CAMKMT: variants seen among roughly 807,000 people sequenced by gnomAD.
CAMKMT encodes the protein CaM KMT.
A neutral mutation model predicts 48.0 loss-of-function variants in CAMKMT; 53 were observed. The observed-to-expected ratio is 1.10, with a 90% CI of 0.89 to 1.39. CAMKMT has a LOEUF of 1.39. Ranked by LOEUF, CAMKMT falls within the 40% of genes most tolerant of loss-of-function variation. The pLI is 0.00. For missense variants in CAMKMT, 428 were observed against 402.7 expected, an observed-to-expected ratio of 1.06 and a Z score of -0.54; for synonymous variants, 165 against 152.3, an observed-to-expected ratio of 1.08 and a Z score of -0.61.
At chr2:44,501,133 A>T (rs1287115355) in intron 3 of CAMKMT, among the ~76,000 whole-genome samples, 1 of 151,532 alleles carries the variant, frequency 6.6e-6, no homozygotes, top group African/African-American at 2.4e-5. Context: ...TTATATATTC[A>T]ATGTGAATAT....
intron 3 of CAMKMT, among the ~76,000 whole-genome samples, chr2:44,419,940 A>G (rs1308652813): frequency 6.6e-6 from 1 of 152,128 alleles, no homozygotes; most frequent in Non-Finnish European, 1.5e-5. Flanking sequence ...TCTCACAGTC[A>G]TTAGACACAA....
At chr2:44,706,380 G>A in intron 5 of CAMKMT, 39 bp downstream of exon 5, 1 of 1,604,964 alleles carries the variant, frequency 6.2e-7, no homozygotes, top group South Asian at 1.1e-5. Context: ...TCAGAGGGAG[G>A]AACAAAAGGA....
At chr2:44,718,680 G>A (rs532729451) in intron 7 of CAMKMT, among the ~76,000 whole-genome samples, 3 of 152,240 alleles carry the variant, frequency 2.0e-5, no homozygotes, top group Admixed American at 6.5e-5. Context: ...AGTGAATAGC[G>A]TCATTCTCTG....
intron 2 of CAMKMT, among the ~76,000 whole-genome samples, chr2:44,374,617 A>G (rs1679496711): frequency 6.6e-6 from 1 of 152,208 alleles, no homozygotes; most frequent in African/African-American, 2.4e-5. Context: ...AAAGCAAGTC[A>G]TGGTTATCCA....
intron 1 of CAMKMT, among the ~76,000 whole-genome samples, chr2:44,369,009 T>A (rs1678900575): frequency 1.3e-5 from 2 of 152,054 alleles, no homozygotes; most frequent in Admixed American, 1.3e-4. Context: ...CCTCAGCCTC[T>A]CAAGAACCTG....
intron 3 of CAMKMT, among the ~76,000 whole-genome samples, chr2:44,414,020 T>C (rs1179842651): frequency 6.6e-6 from 1 of 152,210 alleles, no homozygotes; most frequent in Non-Finnish European, 1.5e-5. Flanking sequence ...GGCATTGTAT[T>C]GGTATGCCAG....
intron 7 of CAMKMT, among the ~76,000 whole-genome samples, chr2:44,716,079 G>T (rs1339959171): frequency 6.6e-6 from 1 of 152,108 alleles, no homozygotes; most frequent in Non-Finnish European, 1.5e-5. Context: ...TCATTTCATA[G>T]TTTTCACATG....
intron 3 of CAMKMT, among the ~76,000 whole-genome samples, chr2:44,439,143 T>A (rs771973055): frequency 3.9e-5 from 6 of 152,082 alleles, no homozygotes; most frequent in Non-Finnish European, 7.4e-5. Flanking sequence ...AGCCACCATC[T>A]TTTTTTTCTC....
intron 3 of CAMKMT, among the ~76,000 whole-genome samples, chr2:44,641,659 G>A (rs527747830): frequency 2.6e-5 from 4 of 152,220 alleles, no homozygotes; most frequent in African/African-American, 9.6e-5. Flanking sequence ...TTGGCCTCAA[G>A]CAATCCTCCC....
chr2:44,610,075 G>A (rs943221933), intron 3 of CAMKMT, among the ~76,000 whole-genome samples: 4 of 152,248 alleles, frequency 2.6e-5, no homozygotes, highest in East Asian at 1.9e-4. Flanking sequence ...CACTAAGGAA[G>A]GAGGTTTATA....
At chr2:44,519,736 A>C (rs1671005605) in intron 3 of CAMKMT, among the ~76,000 whole-genome samples, 1 of 152,124 alleles carries the variant, frequency 6.6e-6, no homozygotes, top group African/African-American at 2.4e-5. Flanking sequence ...TGTGCTTCAA[A>C]CTCAACATGC....
intron 3 of CAMKMT, among the ~76,000 whole-genome samples, chr2:44,702,537 G>A (rs980621819): frequency 2.0e-5 from 3 of 152,184 alleles, no homozygotes; most frequent in Admixed American, 6.5e-5. Flanking sequence ...CAAATGAGGA[G>A]CATGAGGGAT....
rs564671243 is a variant in CAMKMT, at chr2:44,706,299, G to A, written c.450G>A (p.Val150=). The change falls in exon 5 of 11, where the codon GTG becomes GTA. Residue 150 remains valine (V), a synonymous_variant. Transcript: ENST00000378494. ...TTCTCTCTTTCAGGGCCCTTGCTGT[G>A]TGTGAGCTAGGGGGTGGCATGACAT... is the stretch of plus-strand genomic sequence containing the variant. The part of the protein sequence containing the change: ...KHNNIFRALA[V]CELGGGMTCL... 1.5e-5 allele frequency: 25 copies of A among 1,613,326 alleles called. No individual in the cohort carries two copies. Among genetic ancestry groups the A allele is most frequent in the Admixed American group, 3.3e-5 (2 of 59,948 alleles).
chr2:44,588,285 C>G (rs1318478961), intron 3 of CAMKMT, among the ~76,000 whole-genome samples: 2 of 68,490 alleles, frequency 2.9e-5, no homozygotes, highest in Non-Finnish European at 5.9e-5. Context: ...CGCCCGGCAG[C>G]CACCCCGTCC....
intron 3 of CAMKMT, among the ~76,000 whole-genome samples, chr2:44,688,092 A>G (rs1676441540): frequency 6.6e-6 from 1 of 152,242 alleles, no homozygotes; most frequent in Non-Finnish European, 1.5e-5. Flanking sequence ...TTGCAGGAGA[A>G]TGAAGGCTAT....
intron 3 of CAMKMT, among the ~76,000 whole-genome samples, chr2:44,543,429 C>G (rs1442933773): frequency 6.6e-6 from 1 of 152,138 alleles, no homozygotes; most frequent in East Asian, 1.9e-4. Context: ...ATAAAATAGT[C>G]TCTTTAGAAT....
At chr2:44,445,361 A>T (rs1345915109) in intron 3 of CAMKMT, among the ~76,000 whole-genome samples, 1 of 152,108 alleles carries the variant, frequency 6.6e-6, no homozygotes, top group Admixed American at 6.6e-5. Flanking sequence ...AAGAGAAGGG[A>T]ACCAGGGATG....
At chr2:44,727,422 G>A (rs1044520891) in intron 7 of CAMKMT, among the ~76,000 whole-genome samples, 1 of 152,052 alleles carries the variant, frequency 6.6e-6, no homozygotes, top group Non-Finnish European at 1.5e-5. Flanking sequence ...TCTCAGCCTG[G>A]ACATTGTGTA....
intron 3 of CAMKMT, among the ~76,000 whole-genome samples, chr2:44,526,477 G>A (rs1326774235): frequency 6.6e-6 from 1 of 152,188 alleles, no homozygotes; most frequent in Non-Finnish European, 1.5e-5. Flanking sequence ...GCCCAGAAAA[G>A]CTGGTCATAT....
Sources: allele counts gnomAD v4.1 joint callset (sites outside exome capture counted in the v4.1 genomes callset), GRCh38; gene constraint gnomAD v4.1.1; transcripts MANE v1.5; gene names NCBI Gene and HGNC (gene_info 2026-07-23, HGNC 2026-07-21).